PIAS1: variants seen among roughly 807,000 people sequenced by gnomAD.
PIAS1 encodes the protein E3 SUMO-protein ligase PIAS1.
PIAS1 carries 6 observed loss-of-function variants against 71.3 expected under a neutral mutation model. That is an observed-to-expected ratio of 0.08 (90% CI 0.05 to 0.17). The LOEUF (loss-of-function observed/expected upper bound fraction) is 0.17. Ranked by LOEUF, PIAS1 falls within the 10% of genes least tolerant of loss-of-function variation. The pLI is 1.00. For synonymous variants in PIAS1, 303 were observed against 292.9 expected, an observed-to-expected ratio of 1.03 and a Z score of -0.35; for missense variants, 555 against 793.6, an observed-to-expected ratio of 0.70 and a Z score of 3.61.
chr15:68,061,953 T>C (rs1198541251), intron 1 of PIAS1, among the ~76,000 whole-genome samples: 2 of 152,154 alleles, frequency 1.3e-5, no homozygotes, highest in African/African-American at 4.8e-5. Flanking sequence ...CATTCTCCCA[T>C]CCCTACCCTG....
chr15:68,113,344 AAAAGAAAATGAAAGTTTTGCAAAAG>A (rs1305507172), intron 2 of PIAS1, among the ~76,000 whole-genome samples: 1 of 152,194 alleles, frequency 6.6e-6, no homozygotes, highest in Non-Finnish European at 1.5e-5. Flanking sequence ...CAACAACAAA[AAAAGAAAATGAAAGTTTTGCAAAAG>A]AAAGAAAATC....
chr15:68,169,428 C>G (rs1253291038), intron 8 of PIAS1, among the ~76,000 whole-genome samples: 1 of 152,174 alleles, frequency 6.6e-6, no homozygotes, highest in East Asian at 1.9e-4. Context: ...AATGCCAGCA[C>G]TTTGGGAGGC....
rs565111239 is a variant in PIAS1, at chr15:68,119,915, AT to A, written c.470-22025del. Among the ~76,000 whole-genome samples the A allele has an allele frequency of 1.6e-3, 240 of 152,232 alleles. 2 individuals carry two copies. Among genetic ancestry groups the A allele is most frequent in the African/African-American group, 5.5e-3 (229 of 41,536 alleles). On this transcript the variant is annotated intron_variant, in intron 2 of 13. Coordinates refer to ENST00000249636, the MANE Select transcript of PIAS1 (RefSeq NM_016166.3). ...AGTGACTCTCTCTATCCCTAGTAAT[AT>A]TTTTTGTTCTGAAATCTACTTTCTC...
intron 2 of PIAS1, among the ~76,000 whole-genome samples, chr15:68,114,375 G>T (rs1292467495): frequency 2.0e-5 from 3 of 152,026 alleles, no homozygotes; most frequent in Admixed American, 2.0e-4. Context: ...TTTAGTATAT[G>T]AATTGGAGAA....
At chr15:68,099,325 T>C (rs1324420269) in intron 2 of PIAS1, among the ~76,000 whole-genome samples, 1 of 151,562 alleles carries the variant, frequency 6.6e-6, no homozygotes, top group Non-Finnish European at 1.5e-5. Flanking sequence ...GGTTGGGCTT[T>C]TTACCCTTTT....
chr15:68,058,170 T>G (rs2091916472), intron 1 of PIAS1, among the ~76,000 whole-genome samples: 2 of 152,198 alleles, frequency 1.3e-5, no homozygotes, highest in South Asian at 4.1e-4. Flanking sequence ...AAACTGGGTG[T>G]TTATGATGAG....
At chr15:68,183,720 A>G (rs2093070328) in intron 13 of PIAS1, 53 bp downstream of exon 13, 1 of 700,496 alleles carries the variant, frequency 1.4e-6, no homozygotes, top group African/African-American at 1.8e-5. Context: ...AAATACAGTC[A>G]TGCGCCACAT....
intron 2 of PIAS1, among the ~76,000 whole-genome samples, chr15:68,128,207 C>T (rs1026262035): frequency 6.6e-6 from 1 of 152,138 alleles, no homozygotes; most frequent in Admixed American, 6.5e-5. Context: ...ACTCTGCCGC[C>T]CATACTAGAG....
intron 2 of PIAS1, among the ~76,000 whole-genome samples, chr15:68,136,093 G>A (rs1323925357): frequency 1.4e-4 from 8 of 56,686 alleles, no homozygotes; most frequent in African/African-American, 3.1e-4. Flanking sequence ...TGGCGGCCGG[G>A]AAGAGGCACT....
chr15:68,076,277 G>A (rs1205601598), intron 1 of PIAS1, among the ~76,000 whole-genome samples: 2 of 152,128 alleles, frequency 1.3e-5, no homozygotes, highest in Non-Finnish European at 2.9e-5. Context: ...TTGGGAGGCC[G>A]AGGTGGGTGG....
chr15:68,065,915 C>CTTT (rs869104577), intron 1 of PIAS1, among the ~76,000 whole-genome samples: 4,347 of 40,162 alleles, frequency 0.11, 1,343 homozygotes, highest in Non-Finnish European at 0.13. Flanking sequence ...TGACTAAAAG[C>CTTT]TTTTTTTTTT....
chr15:68,087,516 G>T (rs2092294486), intron 2 of PIAS1, among the ~76,000 whole-genome samples: 1 of 152,072 alleles, frequency 6.6e-6, no homozygotes, highest in Admixed American at 6.6e-5. Flanking sequence ...GCATACTACG[G>T]CTGGCAAGCT....
intron 2 of PIAS1, among the ~76,000 whole-genome samples, chr15:68,118,340 T>TA (rs1306350534): frequency 3.3e-5 from 5 of 150,328 alleles, no homozygotes; most frequent in Non-Finnish European, 5.9e-5. Context: ...AAAAAAATAA[T>TA]AATAAATAAA....
chr15:68,087,154 GTGAA>G (rs779959494), intron 2 of PIAS1, among the ~76,000 whole-genome samples: 43 of 152,130 alleles, frequency 2.8e-4, no homozygotes, highest in Non-Finnish European at 4.9e-4. Flanking sequence ...ATTTAAATGA[GTGAA>G]TGGTTTTAAT....
chr15:68,161,593 GTAAC>G (rs1441861839), intron 7 of PIAS1, among the ~76,000 whole-genome samples: 1 of 151,372 alleles, frequency 6.6e-6, no homozygotes, highest in Non-Finnish European at 1.5e-5. Flanking sequence ...TTTATTTTAA[GTAAC>G]AATAGCTAAT....
chr15:68,156,707 T>TG (rs2092891637), intron 7 of PIAS1, among the ~76,000 whole-genome samples: 1 of 141,740 alleles, frequency 7.1e-6, no homozygotes, highest in African/African-American at 2.7e-5. Context: ...AGACACTGTC[T>TG]TTAAAAAAAA....
Position 68,171,575 on chromosome 15 carries a change from C to T in PIAS1, c.1009-2157C>T, listed in dbSNP as rs1309217141. 6.6e-6 allele frequency among the ~76,000 whole-genome samples: 1 copy of T among 152,158 alleles called. No homozygotes were observed. Among genetic ancestry groups the T allele is most frequent in the East Asian group, 1.9e-4 (1 of 5,200 alleles). On this transcript the variant is annotated intron_variant, in intron 8 of 13. Transcript: ENST00000249636. The surrounding 1 kb of genome is among the most constrained non-coding windows in gnomAD (Gnocchi z 4.4). ...CTCTAGGTCCCTCCAGGTTATACTT[C>T]TGATACTGTAAACTGGCATTGCTCT...
At chr15:68,092,110 T>C (rs1339225421) in intron 2 of PIAS1, among the ~76,000 whole-genome samples, 4 of 152,228 alleles carry the variant, frequency 2.6e-5, no homozygotes, top group African/African-American at 9.6e-5. Flanking sequence ...TATGTCTTTA[T>C]TGATTAGAGA....
chr15:68,068,098 C>T lies in PIAS1; in HGVS notation c.24+13748C>T, dbSNP rs144356057. ...GACCTGAAAATATGTATAGGGTGAA[C>T]GTGGTGGTTCACATCTGTAGTCCCA... On this transcript the variant is annotated intron_variant, in intron 1 of 13. Coordinates refer to ENST00000249636, the MANE Select transcript of PIAS1 (RefSeq NM_016166.3). Among the ~76,000 whole-genome samples, 227 of 152,180 alleles carry T rather than the reference C, an allele frequency of 1.5e-3. 4 individuals carry two copies. The highest frequency in any genetic ancestry group is 5.2e-3 in the African/African-American group (214 of 41,506).
Sources: gnomAD v4.1 joint callset for allele counts (sites outside exome capture counted in the v4.1 genomes callset) on GRCh38, gnomAD v4.1.1 for gene constraint, Gnocchi (gnomAD v3.1) non-coding constraint, MANE v1.5 for transcripts, NCBI Gene and HGNC (gene_info 2026-07-23, HGNC 2026-07-21) for gene names.